The following ADAM9 variants were observed in gnomAD, a reference collection of about 807,000 sequenced individuals.
ADAM9 encodes the protein ADAM metallopeptidase domain 9, also known as disintegrin and metalloproteinase domain-containing protein 9.
A neutral mutation model predicts 108.1 loss-of-function variants in ADAM9; 54 were observed. That is an observed-to-expected ratio of 0.50 (90% CI 0.40 to 0.63). ADAM9 has a LOEUF of 0.63. Among genes scored for constraint, ADAM9 ranks in the 20% least tolerant of loss-of-function variants. The pLI is 0.00. For missense variants in ADAM9, 830 were observed against 997.7 expected, an observed-to-expected ratio of 0.83 and a Z score of 2.26; for synonymous variants, 316 against 336.0, an observed-to-expected ratio of 0.94 and a Z score of 0.65.
At chr8:39,028,357 A>G (rs1836991846) in intron 11 of ADAM9, among the ~76,000 whole-genome samples, 1 of 150,178 alleles carries the variant, frequency 6.7e-6, no homozygotes, top group South Asian at 2.1e-4. Context: ...ACAAAAAGCC[A>G]TGCTTCATAA....
chr8:39,024,033 T>C (rs1171012899), intron 9 of ADAM9, among the ~76,000 whole-genome samples: 1 of 152,126 alleles, frequency 6.6e-6, no homozygotes, highest in Non-Finnish European at 1.5e-5. Flanking sequence ...GGCGTGACAC[T>C]GGGTATAAAA....
At chr8:39,085,663 C>G (rs753923004) in intron 18 of ADAM9, among the ~76,000 whole-genome samples, 1 of 152,096 alleles carries the variant, frequency 6.6e-6, no homozygotes. Context: ...TTCTGACTTG[C>G]ATTGTTTTTC....
intron 14 of ADAM9, among the ~76,000 whole-genome samples, chr8:39,062,109 A>G (rs1234865359): frequency 3.3e-5 from 5 of 152,146 alleles, no homozygotes; most frequent in African/African-American, 9.7e-5. Flanking sequence ...CCCATCTCCA[A>G]ATACCATCAC....
At chr8:39,033,600 ATTT>A (rs1353467488) in intron 11 of ADAM9, among the ~76,000 whole-genome samples, 4 of 151,876 alleles carry the variant, frequency 2.6e-5, no homozygotes, top group Non-Finnish European at 1.5e-5. Context: ...ATATATTTAT[ATTT>A]ACTGTAATTA....
At chr8:38,997,780 C>T (rs919357948) in intron 1 of ADAM9, among the ~76,000 whole-genome samples, 1 of 152,198 alleles carries the variant, frequency 6.6e-6, no homozygotes, top group Non-Finnish European at 1.5e-5. Flanking sequence ...TGCTACCTTT[C>T]TATAGCCAAA....
Position 39,045,419 on chromosome 8 carries a change from TAC to T in ADAM9, c.1302+3309_1302+3310del, listed in dbSNP as rs372897109. Among the ~76,000 whole-genome samples, 723 of 79,034 alleles carry T rather than the reference TAC, an allele frequency of 9.1e-3. 98 individuals carry two copies. Among genetic ancestry groups the T allele is most frequent in the Admixed American group, 0.031 (231 of 7,414 alleles). 51.8% of individuals were successfully genotyped at this position (79,034 alleles called of 152,430 possible). On this transcript the variant is annotated intron_variant, in intron 12 of 21. Coordinates refer to ENST00000487273, the MANE Select transcript of ADAM9 (RefSeq NM_003816.3). Reference sequence around the variant, plus strand: ...ACACACACCTATATGTGCGCGTGTGTACACACACCTATATGTGCGCGTGTGTA... The same window carrying T: ...ACACACACCTATATGTGCGCGTGTGTACACACCTATATGTGCGCGTGTGTA...
At chr8:39,099,955 T>C (rs1839634817) in intron 20 of ADAM9, among the ~76,000 whole-genome samples, 1 of 145,226 alleles carries the variant, frequency 6.9e-6, no homozygotes, top group South Asian at 2.3e-4. Context: ...TCTCGGCTCA[T>C]TGCAACCACT....
chr8:39,072,868 T>G (rs972767237), intron 15 of ADAM9, among the ~76,000 whole-genome samples: 1 of 152,260 alleles, frequency 6.6e-6, no homozygotes, highest in Non-Finnish European at 1.5e-5. Flanking sequence ...TTACACTGAT[T>G]TTTTTCCTTT....
intron 21 of ADAM9, among the ~76,000 whole-genome samples, chr8:39,102,665 G>A (rs1839736638): frequency 6.6e-6 from 1 of 152,168 alleles, no homozygotes; most frequent in African/African-American, 2.4e-5. Flanking sequence ...ATAGACCATA[G>A]AAACAGACTG....
intron 18 of ADAM9, among the ~76,000 whole-genome samples, chr8:39,087,873 A>G (rs1261999454): frequency 1.3e-5 from 2 of 152,206 alleles, no homozygotes; most frequent in Non-Finnish European, 2.9e-5. Context: ...GGCTTCCCCA[A>G]AACTTAACTA....
chr8:39,042,993 A>G (rs1837500126), intron 12 of ADAM9, among the ~76,000 whole-genome samples: 3 of 152,216 alleles, frequency 2.0e-5, no homozygotes, highest in East Asian at 1.9e-4. Context: ...GATACCTAAT[A>G]TAAGTGGAAT....
chr8:39,068,500 C>T (rs1838564894), intron 14 of ADAM9, among the ~76,000 whole-genome samples: 1 of 151,352 alleles, frequency 6.6e-6, no homozygotes, highest in African/African-American at 2.4e-5. Flanking sequence ...CATGGTGAAG[C>T]CCTGTCTCTA....
chr8:39,067,514 A>T (rs968620603), intron 14 of ADAM9, among the ~76,000 whole-genome samples: 2 of 152,168 alleles, frequency 1.3e-5, no homozygotes, highest in African/African-American at 2.4e-5. Flanking sequence ...CTTTTTAGCA[A>T]TTGTGAATGG....
chr8:39,101,765 A>G (rs1839701819), intron 20 of ADAM9, 98 bp from the exon 21 acceptor site: 1 of 945,948 alleles, frequency 1.1e-6, no homozygotes, highest in African/African-American at 1.7e-5. Context: ...ATTCAACTGT[A>G]GTCTGTTTAT....
intron 4 of ADAM9, 155 bp downstream of exon 4, chr8:39,014,198 A>G (rs555269468): frequency 1.2e-4 from 81 of 679,542 alleles, no homozygotes; most frequent in African/African-American, 1.1e-3. Context: ...AAGTGGGTGC[A>G]TTTCTATAGA....
rs772957652 is a variant in ADAM9, at chr8:39,026,018, A to G, written c.996+134A>G. 150 of 857,880 alleles carry G rather than the reference A, an allele frequency of 1.7e-4. 1 individual carries two copies. Among genetic ancestry groups the G allele is most frequent in the Admixed American group, 1.1e-4 (6 of 52,344 alleles). The allele number at this position is 857,880 out of a possible 1,614,324, so 53.1% of individuals were successfully genotyped here. On this transcript the variant is annotated intron_variant, in intron 10 of 21. Transcript: ENST00000487273. Reference sequence around the variant, plus strand: ...ATGAGGAACACAGTAGAAGTCGCAGATGGGTTCTTTCCCCAGAGACTGGGT... The same window carrying G: ...ATGAGGAACACAGTAGAAGTCGCAGGTGGGTTCTTTCCCCAGAGACTGGGT...
At chr8:39,021,780 A>G (rs1836749409) in intron 8 of ADAM9, 66 bp downstream of exon 8, 1 of 1,404,980 alleles carries the variant, frequency 7.1e-7, no homozygotes, top group African/African-American at 1.4e-5. Flanking sequence ...AACAGAACTT[A>G]AAAATGTCTC....
chr8:39,025,671 A>AT (rs374478855), intron 9 of ADAM9, 132 bp from the exon 10 acceptor site: 16,754 of 595,810 alleles, frequency 0.028, 8 homozygotes, highest in Non-Finnish European at 0.031. Flanking sequence ...TGATTTTAGA[A>AT]TTTTTTTTTT....
Position 39,103,856 on chromosome 8 carries a change from G to A in ADAM9, c.*156G>A. The A allele has an allele frequency of 1.3e-6, 1 of 749,658 alleles. No homozygotes were observed. Among genetic ancestry groups the A allele is most frequent in the Non-Finnish European group, 2.3e-6 (1 of 427,602 alleles). The allele number at this position is 749,658 out of a possible 1,614,324, so 46.4% of individuals were successfully genotyped here. A position where few individuals can be genotyped will look rare whatever the true frequency, so the allele number is the denominator to read the frequency against. Reference sequence around the variant, plus strand: ...ACTAACACAGAAAAACAGAAACTGAGTGTGAGAGTTGTGAAATACAAGGAA... The same window carrying A: ...ACTAACACAGAAAAACAGAAACTGAATGTGAGAGTTGTGAAATACAAGGAA... On this transcript the variant is annotated 3_prime_UTR_variant, in exon 22 of 22. Coordinates refer to ENST00000487273, the MANE Select transcript of ADAM9 (RefSeq NM_003816.3).
Sources: gnomAD v4.1 joint callset for allele counts (sites outside exome capture counted in the v4.1 genomes callset) on GRCh38, gnomAD v4.1.1 for gene constraint, MANE v1.5 for transcripts, NCBI Gene and HGNC (gene_info 2026-07-23, HGNC 2026-07-21) for gene names.